Variants in KLF12 observed in about 807,000 individuals in gnomAD.
KLF12 encodes the protein Krueppel-like factor 12.
KLF12 carries 9 observed loss-of-function variants against 37.8 expected under a neutral mutation model. The ratio of observed to expected loss-of-function variants is 0.24; its 90% CI spans 0.14 to 0.42. The LOEUF is 0.42. KLF12 is among the 10% of genes least tolerant of loss of function. The pLI, the probability that KLF12 is intolerant of heterozygous loss-of-function variation, is 1.00. For missense variants in KLF12, 411 were observed against 516.0 expected (o/e 0.80, Z 1.97); for synonymous variants, 208 against 202.1 (o/e 1.03, Z -0.25).
At chr13:74,155,166 A>G in the KLF12 span, among the ~76,000 whole-genome samples, 2 of 152,172 alleles carry the variant, frequency 1.3e-5, no homozygotes, top group African/African-American at 4.8e-5. Flanking sequence ...TAAGGTTTGA[A>G]TTAGTTCATG....
chr13:74,041,017 G>A (rs1893387213), intron 1 of KLF12, among the ~76,000 whole-genome samples: 2 of 152,042 alleles, frequency 1.3e-5, no homozygotes, highest in South Asian at 4.2e-4. Context: ...AGTTGTCTAG[G>A]GTGACAATAA....
intron 5 of KLF12, among the ~76,000 whole-genome samples, chr13:73,795,937 CAG>C (rs1266221298): frequency 6.6e-6 from 1 of 152,098 alleles, no homozygotes. Flanking sequence ...AAATAGTAAA[CAG>C]AGAGGAGGAG....
intron 1 of KLF12, among the ~76,000 whole-genome samples, chr13:74,105,221 C>G (rs1469212277): frequency 6.6e-6 from 1 of 152,102 alleles, no homozygotes; most frequent in African/African-American, 2.4e-5. Context: ...GACACACTGT[C>G]AAAGGAAATA....
At chr13:73,738,124 T>TACAC (rs199524649) in intron 6 of KLF12, among the ~76,000 whole-genome samples, 14 of 81,898 alleles carry the variant, frequency 1.7e-4, no homozygotes, top group African/African-American at 7.1e-4. Flanking sequence ...TATATATATA[T>TACAC]ACACACACAC....
At chr13:74,295,803 T>C in the KLF12 span, among the ~76,000 whole-genome samples, 1 of 152,128 alleles carries the variant, frequency 6.6e-6, no homozygotes, top group African/African-American at 2.4e-5. Flanking sequence ...TTTTCTTTTC[T>C]TTTTAAAATT....
chr13:73,862,447 T>C (rs1885977119), intron 3 of KLF12, among the ~76,000 whole-genome samples: 2 of 152,194 alleles, frequency 1.3e-5, no homozygotes. Flanking sequence ...TAGTGATCTC[T>C]GGCAATAAAA....
the KLF12 span, among the ~76,000 whole-genome samples, chr13:74,192,239 G>A: frequency 1.2e-3 from 189 of 152,032 alleles, 1 homozygote; most frequent in Admixed American, 4.9e-3. Context: ...CAGTCTGTTA[G>A]TTTATGTTAA....
At chr13:74,115,818 T>A (rs1371835793) in intron 1 of KLF12, among the ~76,000 whole-genome samples, 6 of 152,144 alleles carry the variant, frequency 3.9e-5, no homozygotes, top group African/African-American at 1.4e-4. Flanking sequence ...TCTGTATTCT[T>A]ATTGCCTTCT....
the KLF12 span, among the ~76,000 whole-genome samples, chr13:74,152,285 T>TAC: frequency 1.3e-5 from 2 of 152,224 alleles, no homozygotes; most frequent in African/African-American, 4.8e-5. Flanking sequence ...GTCATTCTGG[T>TAC]ACACATAATT....
At chr13:73,894,447 A>G (rs1887663226) in intron 3 of KLF12, among the ~76,000 whole-genome samples, 1 of 152,160 alleles carries the variant, frequency 6.6e-6, no homozygotes, top group Non-Finnish European at 1.5e-5. Flanking sequence ...TTATTCTTTT[A>G]AAAATTTCTC....
the KLF12 span, among the ~76,000 whole-genome samples, chr13:74,167,654 G>A: frequency 6.6e-6 from 1 of 152,154 alleles, no homozygotes; most frequent in Non-Finnish European, 1.5e-5. Context: ...CAACCAAGTA[G>A]CTAACATATG....
intron 6 of KLF12, among the ~76,000 whole-genome samples, chr13:73,730,009 GTT>G (rs1876946330): frequency 3.3e-5 from 5 of 152,130 alleles, no homozygotes; most frequent in Non-Finnish European, 5.9e-5. Context: ...TGGGACTTTA[GTT>G]CTCAGAACGA....
chr13:74,272,321 G>A, the KLF12 span, among the ~76,000 whole-genome samples: 1 of 152,126 alleles, frequency 6.6e-6, no homozygotes, highest in Non-Finnish European at 1.5e-5. Flanking sequence ...TCCTTTCTTG[G>A]AAATTCCTGT....
At chr13:74,290,201 T>A in the KLF12 span, among the ~76,000 whole-genome samples, 1 of 152,132 alleles carries the variant, frequency 6.6e-6, no homozygotes, top group Non-Finnish European at 1.5e-5. Flanking sequence ...AAGTTTAGTC[T>A]CTGCAGCCGT....
intron 4 of KLF12, among the ~76,000 whole-genome samples, chr13:73,825,739 C>A (rs1566397166): frequency 6.6e-6 from 1 of 152,078 alleles, no homozygotes; most frequent in African/African-American, 2.4e-5. Context: ...GAAATTCATA[C>A]CGCTCTAATA....
intron 3 of KLF12, among the ~76,000 whole-genome samples, chr13:73,921,305 A>C (rs1020043504): frequency 4.6e-5 from 7 of 151,916 alleles, no homozygotes; most frequent in Non-Finnish European, 8.8e-5. Context: ...TCTTTCATGT[A>C]CTCAAGTTGC....
At chr13:74,134,981 GGCGCCGGGCATCGCCC>G (rs1377482163), upstream of KLF12, among the ~76,000 whole-genome samples, 2 of 151,550 alleles carry the variant, frequency 1.3e-5, no homozygotes, top group East Asian at 1.9e-4. Flanking sequence ...ACCGCCCCTG[GGCGCCGGGCATCGCCC>G]GCGCCGGGCA....
chr13:74,122,769 AAG>A (rs1427989111), intron 1 of KLF12, among the ~76,000 whole-genome samples: 1 of 152,056 alleles, frequency 6.6e-6, no homozygotes, highest in African/African-American at 2.4e-5. Flanking sequence ...AAAAAGATAA[AAG>A]AGTTTCAAAA....
At chr13:73,895,816 G>A (rs1461824675) in intron 3 of KLF12, among the ~76,000 whole-genome samples, 1 of 121,216 alleles carries the variant, frequency 8.2e-6, no homozygotes, top group Non-Finnish European at 1.7e-5. Context: ...AAATCACCAT[G>A]GAATTCTTTT....
Sources: allele counts gnomAD v4.1 joint callset (sites outside exome capture counted in the v4.1 genomes callset), GRCh38; gene constraint gnomAD v4.1.1; transcripts MANE v1.5; gene names NCBI Gene and HGNC (gene_info 2026-07-23, HGNC 2026-07-21).